ARHGEF3: variants seen among roughly 807,000 people sequenced by gnomAD.
ARHGEF3 encodes the protein 59.8 kDA protein.
In ARHGEF3, 28 loss-of-function variants were observed where a neutral mutation model predicts 63.2. The observed-to-expected ratio is 0.44, with a 90% CI of 0.33 to 0.61. The LOEUF is 0.61. Ranked by LOEUF, ARHGEF3 falls within the 20% of genes least tolerant of loss-of-function variation. ARHGEF3 has a pLI of 0.03. For synonymous variants in ARHGEF3, 266 were observed against 254.2 expected (o/e 1.05, Z -0.44); for missense variants, 533 against 659.3 (o/e 0.81, Z 2.10).
At chr3:56,989,144 G>A (rs1446058462) in intron 2 of ARHGEF3, among the ~76,000 whole-genome samples, 1 of 152,094 alleles carries the variant, frequency 6.6e-6, no homozygotes, top group Non-Finnish European at 1.5e-5. Context: ...GAGGGCTCCA[G>A]CTCCGCTGCC....
rs10557985 is a variant in ARHGEF3, at chr3:56,794,488, C to CAAAAAAAAAAAA, written c.96+7203_96+7214dup. Among the ~76,000 whole-genome samples the CAAAAAAAAAAAA allele has an allele frequency of 7.3e-4, 85 of 116,892 alleles. 1 individual carries two copies. Among genetic ancestry groups the CAAAAAAAAAAAA allele is most frequent in the East Asian group, 6.5e-3 (27 of 4,132 alleles). 76.7% of individuals were successfully genotyped at this position (116,892 alleles called of 152,430 possible). ...GGGCAATAAGAGCGAGACTCTATCT[C>CAAAAAAAAAAAA]AAAAAAAAAAAAAAAAAAAAAAAAG... is the stretch of plus-strand genomic sequence containing the variant. On this transcript the variant is annotated intron_variant, in intron 1 of 9. Coordinates refer to ENST00000296315, the MANE Select transcript of ARHGEF3 (RefSeq NM_019555.3).
chr3:56,807,583 C>T (rs2037907794), intron 4 of ARHGEF3, among the ~76,000 whole-genome samples: 1 of 152,158 alleles, frequency 6.6e-6, no homozygotes, highest in Admixed American at 6.5e-5. Flanking sequence ...TTTCCCCTCC[C>T]CTTCCATTTG....
upstream of ARHGEF3, among the ~76,000 whole-genome samples, chr3:56,806,483 C>T (rs897571675): frequency 2.0e-5 from 3 of 152,206 alleles, no homozygotes; most frequent in South Asian, 2.1e-4. Flanking sequence ...CGGCATAGCC[C>T]GTTATAATCC....
chr3:56,967,770 AT>A (rs1482709034), intron 2 of ARHGEF3, among the ~76,000 whole-genome samples: 1 of 87,024 alleles, frequency 1.1e-5, no homozygotes, highest in Non-Finnish European at 2.0e-5. Context: ...TATATATAAT[AT>A]ATTATATTAT....
chr3:56,999,431 T>C (rs528337235), intron 2 of ARHGEF3, among the ~76,000 whole-genome samples: 1 of 152,298 alleles, frequency 6.6e-6, no homozygotes, highest in South Asian at 2.1e-4. Context: ...AATCAATTAC[T>C]ATGAAAAATA....
chr3:56,759,190 T>C (rs1314676994), intron 2 of ARHGEF3, among the ~76,000 whole-genome samples: 1 of 149,966 alleles, frequency 6.7e-6, no homozygotes, highest in East Asian at 1.9e-4. Context: ...TTTTTTTTTT[T>C]TTTTTGAGAT....
intron 2 of ARHGEF3, among the ~76,000 whole-genome samples, chr3:57,021,597 C>CA (rs1309091091): frequency 6.6e-6 from 1 of 151,824 alleles, no homozygotes; most frequent in Non-Finnish European, 1.5e-5. Context: ...TACTAAAATA[C>CA]AAAAAATTAG....
chr3:56,976,475 T>C (rs1269793195), intron 2 of ARHGEF3, among the ~76,000 whole-genome samples: 1 of 152,240 alleles, frequency 6.6e-6, no homozygotes, highest in African/African-American at 2.4e-5. Context: ...AGAAAGTCTT[T>C]ATATTTTATT....
chr3:56,816,780 C>G (rs1378378952), intron 4 of ARHGEF3, among the ~76,000 whole-genome samples: 1 of 152,216 alleles, frequency 6.6e-6, no homozygotes, highest in South Asian at 2.1e-4. Context: ...AATGCAAGCA[C>G]CTTGCTTCTA....
In ARHGEF3 at chr3:57,047,376, CA is replaced by C. The variant is rs934549482; in HGVS notation, c.-27-12201del. ...AAACAGAAACAAAAACAAAAACAAACAAAAAAAAAACTTCGTCTCAAAAACA... is the reference window on the plus strand; with the variant it reads ...AAACAGAAACAAAAACAAAAACAAACAAAAAAAAACTTCGTCTCAAAAACA... On this transcript the variant is annotated intron_variant, in intron 1 of 12. Coordinates refer to the ARHGEF3 transcript ENST00000338458. Among the ~76,000 whole-genome samples the C allele has an allele frequency of 5.1e-5, 7 of 138,106 alleles. No homozygotes were observed. The East Asian group carries it at 1.4e-3, about 28-fold the overall frequency. 90.6% of individuals were successfully genotyped at this position (138,106 alleles called of 152,430 possible).
chr3:56,993,805 C>T (rs1244514083), intron 2 of ARHGEF3, among the ~76,000 whole-genome samples: 4 of 151,058 alleles, frequency 2.6e-5, no homozygotes, highest in South Asian at 4.2e-4. Flanking sequence ...CGGTGGCTCA[C>T]GCCTGTAATC....
At chr3:56,781,511 G>T (rs2036567157) in intron 1 of ARHGEF3, among the ~76,000 whole-genome samples, 1 of 152,150 alleles carries the variant, frequency 6.6e-6, no homozygotes, top group African/African-American at 2.4e-5. Context: ...CTGCCAAAGT[G>T]CTGGGATTAC....
intron 1 of ARHGEF3, among the ~76,000 whole-genome samples, chr3:57,058,148 C>G (rs1224277006): frequency 1.3e-5 from 2 of 152,036 alleles, no homozygotes; most frequent in Admixed American, 6.6e-5. Flanking sequence ...CCTGAAAGAA[C>G]AAGTTTCTTT....
intron 4 of ARHGEF3, 119 bp downstream of exon 4, chr3:56,753,385 T>C: frequency 1.2e-6 from 1 of 813,318 alleles, no homozygotes; most frequent in Non-Finnish European, 2.0e-6. Flanking sequence ...GCTTGGTGTG[T>C]GGTAGCAGAC....
intron 2 of ARHGEF3, among the ~76,000 whole-genome samples, chr3:56,973,295 G>A (rs959537287): frequency 6.6e-6 from 1 of 152,176 alleles, no homozygotes; most frequent in Non-Finnish European, 1.5e-5. Flanking sequence ...GGGATTACAG[G>A]CGTGAGCCAC....
intron 1 of ARHGEF3, among the ~76,000 whole-genome samples, chr3:56,783,056 C>G (rs892854532): frequency 7.9e-5 from 12 of 152,032 alleles, no homozygotes; most frequent in Admixed American, 3.9e-4. Flanking sequence ...TTCGGGGGAG[C>G]CTTGAATAAG....
intron 2 of ARHGEF3, among the ~76,000 whole-genome samples, chr3:57,021,880 G>T (rs1703274666): frequency 6.6e-6 from 1 of 152,070 alleles, no homozygotes; most frequent in Non-Finnish European, 1.5e-5. Flanking sequence ...TTATATGTCT[G>T]GAAAAATCCC....
chr3:57,040,509 A>C (rs1391595044), intron 1 of ARHGEF3, among the ~76,000 whole-genome samples: 2 of 129,086 alleles, frequency 1.5e-5, no homozygotes, highest in African/African-American at 5.2e-5. Context: ...GAAAATACCA[A>C]AACAGGTAAA....
chr3:56,788,341 T>C (rs2036924930), intron 1 of ARHGEF3, among the ~76,000 whole-genome samples: 1 of 152,150 alleles, frequency 6.6e-6, no homozygotes, highest in African/African-American at 2.4e-5. Context: ...CTACCCGTAT[T>C]GTCGTGTTGT....
Sources: gnomAD v4.1 joint callset for allele counts (sites outside exome capture counted in the v4.1 genomes callset) on GRCh38, gnomAD v4.1.1 for gene constraint, MANE v1.5 for transcripts, NCBI Gene and HGNC (gene_info 2026-07-23, HGNC 2026-07-21) for gene names.